Variants in CACNG4 observed in about 807,000 individuals in gnomAD.
The protein encoded by CACNG4 is voltage-dependent calcium channel gamma-4 subunit.
Under a neutral mutation model 22.9 loss-of-function variants are expected in CACNG4, and 8 were observed. The observed-to-expected ratio is 0.35, with a 90% CI of 0.21 to 0.63. The LOEUF is 0.63. Among genes scored for constraint, CACNG4 ranks in the 30% least tolerant of loss-of-function variants. The pLI, the probability that CACNG4 is intolerant of heterozygous loss-of-function variation, is 0.72. For missense variants in CACNG4, 357 were observed against 455.4 expected (o/e 0.78, Z 1.97); for synonymous variants, 188 against 191.9 (o/e 0.98, Z 0.17).
chr17:67,015,377 C>T (rs577535596), intron 1 of CACNG4, among the ~76,000 whole-genome samples: 23 of 150,216 alleles, frequency 1.5e-4, no homozygotes, highest in Admixed American at 1.1e-3. Context: ...AGGGAGGGGA[C>T]GGGCAGGAGG....
intron 1 of CACNG4, among the ~76,000 whole-genome samples, chr17:67,005,707 C>T (rs186898370): frequency 1.3e-5 from 2 of 152,322 alleles, no homozygotes; most frequent in African/African-American, 4.8e-5. Flanking sequence ...GACCTCTCTC[C>T]CAAATCCTCC....
At chr17:66,997,336 C>T (rs920968659) in intron 1 of CACNG4, among the ~76,000 whole-genome samples, 6 of 152,088 alleles carry the variant, frequency 3.9e-5, no homozygotes, top group Non-Finnish European at 7.4e-5. Flanking sequence ...AGAGTCAAGA[C>T]GCCCTCCAGT....
At chr17:66,993,118 C>T (rs1221955363) in intron 1 of CACNG4, among the ~76,000 whole-genome samples, 1 of 152,250 alleles carries the variant, frequency 6.6e-6, no homozygotes, top group Non-Finnish European at 1.5e-5. Context: ...GGGGCTCAGC[C>T]ACCCCAATCC....
At chr17:66,969,972 C>A (rs1490521766) in intron 1 of CACNG4, among the ~76,000 whole-genome samples, 2 of 152,186 alleles carry the variant, frequency 1.3e-5, no homozygotes, top group Non-Finnish European at 2.9e-5. Flanking sequence ...AACAGGCACC[C>A]CTTCCCTGAC....
intron 1 of CACNG4, among the ~76,000 whole-genome samples, chr17:66,994,327 C>CAA (rs142191712): frequency 0.023 from 2,924 of 125,546 alleles, 92 homozygotes; most frequent in African/African-American, 0.07. Context: ...ACCCTATTTC[C>CAA]AAAAAAAAAA....
At chr17:66,987,328 T>G (rs1307425003) in intron 1 of CACNG4, among the ~76,000 whole-genome samples, 21 of 152,204 alleles carry the variant, frequency 1.4e-4, no homozygotes, top group Admixed American at 1.4e-3. Flanking sequence ...ATCTACACAA[T>G]AGAGTCAACA....
intron 1 of CACNG4, among the ~76,000 whole-genome samples, chr17:66,987,477 CTG>C (rs747962183): frequency 2.6e-5 from 4 of 152,180 alleles, no homozygotes; most frequent in Non-Finnish European, 5.9e-5. Context: ...AGAAACCACT[CTG>C]TGTCTTTCAG....
At chr17:67,011,047 T>A (rs1054550349) in intron 1 of CACNG4, among the ~76,000 whole-genome samples, 6 of 152,214 alleles carry the variant, frequency 3.9e-5, no homozygotes, top group African/African-American at 1.4e-4. Context: ...ATGGCCACTT[T>A]AAATTATGGT....
chr17:67,023,268 T>C (rs1365554128), intron 2 of CACNG4, among the ~76,000 whole-genome samples: 1 of 121,926 alleles, frequency 8.2e-6, no homozygotes, highest in African/African-American at 2.8e-5. Context: ...GCAAGACCTC[T>C]TCTTTTTTTT....
At chr17:66,974,392 C>G (rs2035223298) in intron 1 of CACNG4, among the ~76,000 whole-genome samples, 1 of 152,178 alleles carries the variant, frequency 6.6e-6, no homozygotes, top group African/African-American at 2.4e-5. Context: ...AAAATGGACT[C>G]TGTTGAAAAG....
In CACNG4 at chr17:67,031,327, G is replaced by A. The variant is rs1273913701; in HGVS notation, c.*323G>A. 1 of 546,824 alleles carries A rather than the reference G, an allele frequency of 1.8e-6. No individual in the cohort carries two copies. The highest frequency in any genetic ancestry group is 3.5e-6 in the Non-Finnish European group (1 of 286,758). 33.9% of individuals were successfully genotyped at this position (546,824 alleles called of 1,614,324 possible). A position where few individuals can be genotyped will look rare whatever the true frequency, so the allele number is the denominator to read the frequency against. On this transcript the variant is annotated 3_prime_UTR_variant, in exon 4 of 4. Transcript: ENST00000262138. This position sits in a 1 kb window ranked among gnomAD's most constrained non-coding sequence, Gnocchi z 4.0. Reference sequence around the variant, plus strand: ...TTGATCAACTTGGGAAGACAAAATTGAGCCATTATCTCCTCTTGGAAACGA... The same window carrying A: ...TTGATCAACTTGGGAAGACAAAATTAAGCCATTATCTCCTCTTGGAAACGA...
At chr17:67,023,260 A>C (rs886174751) in intron 2 of CACNG4, among the ~76,000 whole-genome samples, 1 of 148,708 alleles carries the variant, frequency 6.7e-6, no homozygotes, top group Non-Finnish European at 1.5e-5. Context: ...TCACATCTGC[A>C]AGACCTCTTC....
In CACNG4 at chr17:67,016,037, C is replaced by G. The variant is rs527859570; in HGVS notation, c.221-2152C>G. ...AGTTCCTTCCTCTTGCTCACAAACC[C>G]TCATGGTTCTCCACCAATTCAGCCA... is the stretch of plus-strand genomic sequence containing the variant. On this transcript the variant is annotated intron_variant, in intron 1 of 3. Transcript: ENST00000262138. 3.9e-5 allele frequency among the ~76,000 whole-genome samples: 6 copies of G among 152,230 alleles called. No homozygotes were observed. In the East Asian group the frequency reaches 5.8e-4, roughly 15 times the overall value.
intron 1 of CACNG4, among the ~76,000 whole-genome samples, chr17:66,974,017 T>C (rs2035221016): frequency 6.6e-6 from 1 of 152,128 alleles, no homozygotes; most frequent in African/African-American, 2.4e-5. Flanking sequence ...GCTGTGAAAA[T>C]GACATCCCGT....
At chr17:67,010,711 T>G (rs112884127) in intron 1 of CACNG4, among the ~76,000 whole-genome samples, 7 of 152,216 alleles carry the variant, frequency 4.6e-5, no homozygotes, top group African/African-American at 1.7e-4. Context: ...GGCAGGTCAT[T>G]TCCGGGATGG....
chr17:66,972,312 G>A (rs917525706), intron 1 of CACNG4, among the ~76,000 whole-genome samples: 1 of 152,250 alleles, frequency 6.6e-6, no homozygotes, highest in African/African-American at 2.4e-5. Flanking sequence ...GCTGCCCCTC[G>A]GAGCAGGGCA....
intron 1 of CACNG4, among the ~76,000 whole-genome samples, chr17:67,015,567 C>A (rs1282574289): frequency 6.6e-6 from 1 of 152,184 alleles, no homozygotes; most frequent in African/African-American, 2.4e-5. Flanking sequence ...CTTACAACTG[C>A]ATGTGACTCT....
chr17:67,022,721 A>G (rs1225280143), intron 2 of CACNG4, among the ~76,000 whole-genome samples: 1 of 152,228 alleles, frequency 6.6e-6, no homozygotes, highest in Non-Finnish European at 1.5e-5. Context: ...GGGGGCCACC[A>G]AGGGTCCATG....
intron 1 of CACNG4, 142 bp downstream of exon 1, chr17:66,965,273 G>T (rs1344606832): frequency 6.9e-6 from 4 of 576,356 alleles, no homozygotes; most frequent in African/African-American, 6.0e-5. Context: ...TGGGCGCGGC[G>T]CTGGCTCCGC....
Sources: gnomAD v4.1 joint callset for allele counts (sites outside exome capture counted in the v4.1 genomes callset) on GRCh38, gnomAD v4.1.1 for gene constraint, Gnocchi (gnomAD v3.1) non-coding constraint, MANE v1.5 for transcripts, NCBI Gene and HGNC (gene_info 2026-07-23, HGNC 2026-07-21) for gene names.